The following DYNLT2 variants were observed in gnomAD, a reference collection of about 807,000 sequenced individuals.
DYNLT2 encodes dynein light chain Tctex-type protein 2.
DYNLT2 carries 24 observed loss-of-function variants against 24.3 expected under a neutral mutation model. That is an observed-to-expected ratio of 0.99 (90% CI 0.71 to 1.39). DYNLT2 has a LOEUF of 1.39. Ranked by LOEUF, DYNLT2 falls within the 40% of genes most tolerant of loss-of-function variation. DYNLT2 has a pLI of 0.00. For synonymous variants in DYNLT2, 85 were observed against 85.4 expected (o/e 1.00, Z 0.03); for missense variants, 246 against 234.5 (o/e 1.05, Z -0.32).
intron 1 of DYNLT2, among the ~76,000 whole-genome samples, chr6:169,746,725 A>G (rs1789809661): frequency 6.6e-6 from 1 of 152,092 alleles, no homozygotes; most frequent in Non-Finnish European, 1.5e-5. Flanking sequence ...TTCACCAGGT[A>G]AAGAAACTGC....
the DYNLT2 span, chr6:169,725,590 C>G: frequency 2.9e-6 from 1 of 344,540 alleles, no homozygotes; most frequent in Admixed American, 4.8e-5. Context: ...GAAACTGCAT[C>G]TTTCAGCTAA....
the DYNLT2 span, among the ~76,000 whole-genome samples, chr6:169,727,061 T>A: frequency 6.6e-6 from 1 of 152,214 alleles, no homozygotes; most frequent in Admixed American, 6.5e-5. Context: ...AAAGAGGGAC[T>A]GGTCAGCTCT....
intron 2 of DYNLT2, among the ~76,000 whole-genome samples, chr6:169,743,834 G>A (rs987105874): frequency 1.3e-5 from 2 of 152,166 alleles, no homozygotes; most frequent in African/African-American, 2.4e-5. Flanking sequence ...GACATGGCTT[G>A]TGGACTATAA....
chr6:169,751,269 C>T (rs1790039162), intron 1 of DYNLT2, 70 bp downstream of exon 1: 10 of 1,550,062 alleles, frequency 6.5e-6, no homozygotes, highest in Non-Finnish European at 8.7e-6. Context: ...GAGCGGGGCC[C>T]ACTGGGGAGC....
chr6:169,734,546 T>C, the DYNLT2 span, among the ~76,000 whole-genome samples: 9 of 152,208 alleles, frequency 5.9e-5, no homozygotes, highest in Non-Finnish European at 1.2e-4. Context: ...GAGATAATCA[T>C]GTGGTTTTTG....
chr6:169,725,670 A>G, the DYNLT2 span: 1 of 191,310 alleles, frequency 5.2e-6, no homozygotes, highest in Non-Finnish European at 1.1e-5. Context: ...ACAAAAAAAA[A>G]CTCTTAAGCT....
chr6:169,740,058 C>G (rs1370852891), downstream of DYNLT2: 2 of 602,464 alleles, frequency 3.3e-6, no homozygotes, highest in Non-Finnish European at 2.9e-6. Context: ...TAAAATAATA[C>G]AATTGAAAGG....
At chr6:169,749,791 A>T (rs549618155) in intron 1 of DYNLT2, 1 of 152,218 alleles carries the variant, frequency 6.6e-6, no homozygotes, top group Admixed American at 6.5e-5. Flanking sequence ...AGGTGCTACC[A>T]CTAGAAAAAA....
At chr6:169,732,332 TA>T in the DYNLT2 span, among the ~76,000 whole-genome samples, 2 of 152,270 alleles carry the variant, frequency 1.3e-5, no homozygotes, top group South Asian at 2.1e-4. Context: ...TATTTCTTCT[TA>T]AAAAAATGGG....
chr6:169,725,287 T>G, the DYNLT2 span: 1 of 398,574 alleles, frequency 2.5e-6, no homozygotes, highest in African/African-American at 2.1e-5. Flanking sequence ...TAAAGTACAA[T>G]CCGGTTTCCT....
intron 1 of DYNLT2, among the ~76,000 whole-genome samples, chr6:169,745,037 T>G (rs1377113293): frequency 6.6e-6 from 1 of 152,126 alleles, no homozygotes; most frequent in Non-Finnish European, 1.5e-5. Flanking sequence ...TTACTAATAT[T>G]ACAGGAAAAG....
At chr6:169,730,688 G>A in the DYNLT2 span, among the ~76,000 whole-genome samples, 3 of 152,102 alleles carry the variant, frequency 2.0e-5, no homozygotes, top group African/African-American at 4.8e-5. Context: ...CACGAAGTCA[G>A]GAGATCGAGA....
chr6:169,735,736 G>A (rs1789549149), downstream of DYNLT2, among the ~76,000 whole-genome samples: 1 of 152,192 alleles, frequency 6.6e-6, no homozygotes, highest in Non-Finnish European at 1.5e-5. Context: ...GTGCCATATG[G>A]CACTGGAAAG....
At chr6:169,746,588 ATATTAAT>A (rs1789804951) in intron 1 of DYNLT2, among the ~76,000 whole-genome samples, 1 of 152,148 alleles carries the variant, frequency 6.6e-6, no homozygotes, top group Non-Finnish European at 1.5e-5. Context: ...GCCCTTTAAC[ATATTAAT>A]CATAGTTACT....
Position 169,746,661 on chromosome 6 carries a change from GTGTT to G in DYNLT2, c.121-2391_121-2388del, listed in dbSNP as rs751537117. 3.3e-5 allele frequency among the ~76,000 whole-genome samples: 5 copies of G among 152,130 alleles called. No homozygotes were observed. In the East Asian group the frequency reaches 5.9e-4, roughly 18 times the overall value. Reference sequence around the variant, plus strand: ...TGTCTGGTTCTGCTGCTCACTCTGTGTGTTTGTTGTTGTTTTTAGTATGCCTAAT... The same window carrying G: ...TGTCTGGTTCTGCTGCTCACTCTGTGTGTTGTTGTTTTTAGTATGCCTAAT... On this transcript the variant is annotated intron_variant, in intron 1 of 3. Coordinates refer to ENST00000366774, the MANE Select transcript of DYNLT2 (RefSeq NM_174910.3).
At chr6:169,728,081 G>A in the DYNLT2 span, among the ~76,000 whole-genome samples, 5 of 152,152 alleles carry the variant, frequency 3.3e-5, no homozygotes, top group East Asian at 7.7e-4. Context: ...GCTTTGTCAG[G>A]TTCTCAGTCA....
chr6:169,743,332 ATAAC>A (rs1464444455), intron 2 of DYNLT2, 94 bp from the exon 3 acceptor site: 145 of 576,482 alleles, frequency 2.5e-4, no homozygotes, highest in Non-Finnish European at 3.5e-4. Flanking sequence ...TAATATATAT[ATAAC>A]TGTTTTAAAA....
the DYNLT2 span, chr6:169,725,554 C>T: frequency 2.6e-6 from 1 of 384,928 alleles, no homozygotes; most frequent in Admixed American, 4.5e-5. Flanking sequence ...GCTTCCGCCG[C>T]ACTTCTTGTC....
chr6:169,739,740 T>A (rs1789634785), downstream of DYNLT2, among the ~76,000 whole-genome samples: 1 of 152,216 alleles, frequency 6.6e-6, no homozygotes. Context: ...TCAAACTTGG[T>A]AATTCCTTTC....
Sources: gnomAD v4.1 joint callset for allele counts (sites outside exome capture counted in the v4.1 genomes callset) on GRCh38, gnomAD v4.1.1 for gene constraint, MANE v1.5 for transcripts, NCBI Gene and HGNC (gene_info 2026-07-23, HGNC 2026-07-21) for gene names.